CHD6: variants seen among roughly 807,000 people sequenced by gnomAD.
The protein encoded by CHD6 is ATP-dependent chromatin remodeler CHD6.
In CHD6, 50 loss-of-function variants were observed where a neutral mutation model predicts 276.9. That is an observed-to-expected ratio of 0.18 (90% confidence interval 0.14 to 0.23). CHD6 has a LOEUF of 0.23. CHD6 is among the 10% of genes least tolerant of loss of function. CHD6 has a pLI of 1.00. For missense variants in CHD6, 2,564 were observed against 3,365.8 expected (o/e 0.76, Z 5.89); for synonymous variants, 1,173 against 1,229.3 (o/e 0.95, Z 0.96).
chr20:41,612,171 C>T (rs1284977460), intron 1 of CHD6, among the ~76,000 whole-genome samples: 1 of 152,216 alleles, frequency 6.6e-6, no homozygotes, highest in Non-Finnish European at 1.5e-5. Context: ...AAAGCATCTA[C>T]ATGCTTCTTT....
chr20:41,557,353 C>T (rs1485260430), intron 1 of CHD6, among the ~76,000 whole-genome samples: 1 of 151,998 alleles, frequency 6.6e-6, no homozygotes. Context: ...TCTAAGGATG[C>T]TCCTATTAAG....
intron 30 of CHD6, among the ~76,000 whole-genome samples, chr20:41,422,283 AAAG>A (rs1380478841): frequency 1.3e-5 from 2 of 152,210 alleles, no homozygotes; most frequent in Non-Finnish European, 2.9e-5. Context: ...AAAGGGTGTG[AAAG>A]AAGAGCATAA....
chr20:41,563,753 G>C (rs2045326750), intron 1 of CHD6, among the ~76,000 whole-genome samples: 1 of 152,062 alleles, frequency 6.6e-6, no homozygotes, highest in South Asian at 2.1e-4. Context: ...TGTTGTTGTT[G>C]GTCCCTATGT....
rs1343759087 is a variant in CHD6, at chr20:41,421,841, A to G, written c.4794T>C (p.Cys1598=). ...TAKHGLNRTD[C]YIMNDPQLSF... The stretch of plus-strand genomic sequence containing the variant: ...ACAGCTGGGGGTCGTTCATGATGTA[A>G]CAGTCAGTGCGGTTCAGCCCATGTT... Residue 1598 remains cysteine (C), a synonymous_variant, in exon 31 of 37, where the codon TGT becomes TGC. Transcript: ENST00000373233. 6.2e-7 allele frequency: 1 copy of G among 1,614,164 alleles called. No homozygotes were observed. The highest frequency in any genetic ancestry group is 1.1e-5 in the South Asian group (1 of 91,080).
At chr20:41,436,656 T>C (rs1216710180) in intron 27 of CHD6, among the ~76,000 whole-genome samples, 1 of 152,188 alleles carries the variant, frequency 6.6e-6, no homozygotes, top group Non-Finnish European at 1.5e-5. Flanking sequence ...GGTTCTTCCA[T>C]ACCACTGAAT....
intron 2 of CHD6, among the ~76,000 whole-genome samples, chr20:41,535,678 G>A (rs1458484782): frequency 6.6e-6 from 1 of 152,086 alleles, no homozygotes; most frequent in Non-Finnish European, 1.5e-5. Context: ...GGGCAATAGA[G>A]CAAGACCCTG....
chr20:41,577,560 G>A (rs773007757), intron 1 of CHD6, among the ~76,000 whole-genome samples: 13 of 152,316 alleles, frequency 8.5e-5, no homozygotes, highest in Non-Finnish European at 1.5e-4. Context: ...AAGGGAAAGC[G>A]CTAAACATTT....
At chr20:41,445,831 G>A in intron 24 of CHD6, 63 bp from the exon 25 acceptor site, 2 of 986,938 alleles carry the variant, frequency 2.0e-6, no homozygotes, top group South Asian at 1.3e-5. Flanking sequence ...CCTGGTATTA[G>A]GCCACAGTCC....
intron 14 of CHD6, chr20:41,485,529 CAG>C (rs2145839369): frequency 6.6e-6 from 1 of 152,272 alleles, no homozygotes; most frequent in East Asian, 1.9e-4. Flanking sequence ...AAGTGATTTA[CAG>C]AGAGTGATTT....
chr20:41,499,177 C>T, intron 6 of CHD6, 118 bp downstream of exon 6: 1 of 689,044 alleles, frequency 1.5e-6, no homozygotes, highest in Non-Finnish European at 2.4e-6. Flanking sequence ...AGACAATATT[C>T]TTGCCTAGCT....
At chr20:41,573,722 T>C (rs891765351) in intron 1 of CHD6, among the ~76,000 whole-genome samples, 4 of 152,120 alleles carry the variant, frequency 2.6e-5, no homozygotes, top group Non-Finnish European at 4.4e-5. Context: ...CTAAGAGCCA[T>C]GCGAGTTAAG....
At chr20:41,611,645 C>G (rs1053863263) in intron 1 of CHD6, among the ~76,000 whole-genome samples, 3 of 151,440 alleles carry the variant, frequency 2.0e-5, no homozygotes, top group Non-Finnish European at 4.4e-5. Context: ...TTTTTTAAGA[C>G]AGAGTCTCAC....
chr20:41,426,924 T>C (rs529475668), intron 27 of CHD6, among the ~76,000 whole-genome samples: 48 of 152,302 alleles, frequency 3.2e-4, no homozygotes, highest in African/African-American at 1.1e-3. Flanking sequence ...TAAAACTTAC[T>C]ATATTTTGAC....
At chr20:41,462,930 A>G (rs2042836623) in intron 17 of CHD6, among the ~76,000 whole-genome samples, 1 of 152,204 alleles carries the variant, frequency 6.6e-6, no homozygotes, top group African/African-American at 2.4e-5. Context: ...CATTACCTAT[A>G]CAACAGAGCC....
intron 22 of CHD6, 62 bp downstream of exon 22, chr20:41,451,764 A>C: frequency 7.1e-7 from 1 of 1,412,348 alleles, no homozygotes; most frequent in Non-Finnish European, 1.0e-6. Context: ...GGCCCCGCAG[A>C]GGAAGAGGGG....
chr20:41,612,239 T>C (rs1325957159), intron 1 of CHD6, among the ~76,000 whole-genome samples: 1 of 152,246 alleles, frequency 6.6e-6, no homozygotes, highest in Non-Finnish European at 1.5e-5. Flanking sequence ...TGCAGGAATC[T>C]GTAGACTACT....
Position 41,514,776 on chromosome 20 carries a change from T to C in CHD6, c.702+29A>G, listed in dbSNP as rs1233879438. ...CAGATCCCATCCAGGAGCCGTAATC[T>C]CCACCAGGCCTCCCGGTCACAGCTG... On this transcript the variant is annotated intron_variant, in intron 4 of 36. Transcript: ENST00000373233. 5 of 1,609,702 alleles carry C rather than the reference T, an allele frequency of 3.1e-6. No individual in the cohort carries two copies. In the South Asian group the frequency reaches 5.5e-5, roughly 18 times the overall value.
intron 8 of CHD6, among the ~76,000 whole-genome samples, chr20:41,496,147 G>A (rs377528742): frequency 3.3e-5 from 5 of 152,176 alleles, no homozygotes; most frequent in African/African-American, 7.2e-5. Flanking sequence ...AGTAGGATTC[G>A]TTTACTTTTT....
intron 2 of CHD6, among the ~76,000 whole-genome samples, chr20:41,545,462 C>T (rs192523679): frequency 6.4e-4 from 98 of 152,220 alleles, no homozygotes; most frequent in Non-Finnish European, 1.2e-3. Context: ...AAACATGATT[C>T]TAGGGTGAGG....
Sources: gnomAD v4.1 joint callset for allele counts (sites outside exome capture counted in the v4.1 genomes callset) on GRCh38, gnomAD v4.1.1 for gene constraint, MANE v1.5 for transcripts, NCBI Gene and HGNC (gene_info 2026-07-23, HGNC 2026-07-21) for gene names.